SELENON: variants seen among roughly 807,000 people sequenced by gnomAD.
The protein encoded by SELENON is selenoprotein N, also known as selenoprotein N, 1.
A neutral mutation model predicts 59.5 loss-of-function variants in SELENON; 44 were observed. That is an observed-to-expected ratio of 0.74 (90% confidence interval 0.58 to 0.95). The LOEUF is 0.95. Ranked by LOEUF, SELENON falls within the 40% of genes least tolerant of loss-of-function variation. SELENON has a pLI of 0.00. For missense variants in SELENON, 674 were observed against 721.4 expected, an observed-to-expected ratio of 0.93 and a Z score of 0.75; for synonymous variants, 320 against 305.6, an observed-to-expected ratio of 1.05 and a Z score of -0.49.
intron 10 of SELENON, 125 bp downstream of exon 9, chr1:25,812,917 AGGGGCGT>A (rs1363491117): frequency 1.4e-6 from 1 of 722,116 alleles, no homozygotes; most frequent in African/African-American, 1.8e-5. Flanking sequence ...TGCCCATGGT[AGGGGCGT>A]GGGGTGAGGG....
At chr1:25,808,523 A>T in intron 4 of SELENON, 57 bp from the exon 4 acceptor site, 1 of 1,594,578 alleles carries the variant, frequency 6.3e-7, no homozygotes, top group South Asian at 1.1e-5. Flanking sequence ...CACATGGTAC[A>T]GGAGACCCCG....
chr1:25,803,767 G>A (rs190401096), intron 3 of SELENON, among the ~76,000 whole-genome samples: 2 of 149,660 alleles, frequency 1.3e-5, no homozygotes, highest in African/African-American at 2.5e-5. Context: ...TGGAGTGCTC[G>A]GCTCACTGCA....
In SELENON at chr1:25,816,337, C is replaced by G. The variant is rs1454973531; in HGVS notation, c.*619C>G. The G allele has an allele frequency of 6.5e-6, 1 of 152,864 alleles. No homozygotes were observed. The highest frequency in any genetic ancestry group is 2.4e-5 in the African/African-American group (1 of 41,470). The allele number at this position is 152,864 out of a possible 1,614,324, so 9.5% of individuals were successfully genotyped here. ...GGAAATCAGACGGGACCCCCTGCAG[C>G]TTCCCTGACCACGCCACTGACCAGC... is the stretch of plus-strand genomic sequence containing the variant. On this transcript the variant is annotated 3_prime_UTR_variant, in exon 13 of 13. Coordinates refer to ENST00000361547, the MANE Select transcript of SELENON (RefSeq NM_020451.3).
Position 25,814,120 on chromosome 1 carries a change from ACC to A in SELENON, c.1545_1546del (p.Leu516GlyfsTer?). ...TCCCACCAGAAGCTGGCTGGCCTGCACCTGGAGAAGTACAGCTTCCCCGTGGA... is the reference window on the plus strand; with the variant it reads ...TCCCACCAGAAGCTGGCTGGCCTGCATGGAGAAGTACAGCTTCCCCGTGGA... On this transcript the variant is annotated frameshift_variant, in exon 12 of 13. Coordinates refer to ENST00000361547, the MANE Select transcript of SELENON (RefSeq NM_020451.3). LOFTEE classifies it high-confidence loss of function. 1 of 1,614,198 alleles carries A rather than the reference ACC, an allele frequency of 6.2e-7. No homozygotes were observed. The highest frequency in any genetic ancestry group is 8.5e-7 in the Non-Finnish European group (1 of 1,180,024).
rs372468001 is a variant in SELENON at position 25,813,869 on chromosome 1, C to T, written c.1388-12C>T. 1 of 1,611,324 alleles carries T rather than the reference C, an allele frequency of 6.2e-7. No homozygotes were observed. The highest frequency in any genetic ancestry group is 1.3e-5 in the African/African-American group (1 of 74,878). On this transcript the variant is annotated splice_polypyrimidine_tract_variant and intron_variant, in intron 10 of 12. Transcript: ENST00000361547. ...ATGTGGGGGCGCCTCACCCTTCTGTCTTCCTGAACAGGTTCAGGGCGGACT... is the reference window on the plus strand; with the variant it reads ...ATGTGGGGGCGCCTCACCCTTCTGTTTTCCTGAACAGGTTCAGGGCGGACT...
intron 1 of SELENON, among the ~76,000 whole-genome samples, chr1:25,800,756 C>T (rs867955814): frequency 6.6e-6 from 1 of 151,776 alleles, no homozygotes; most frequent in Non-Finnish European, 1.5e-5. Context: ...CAGGAGAGGA[C>T]AGAAGGTGCA....
intron 2 of SELENON, among the ~76,000 whole-genome samples, chr1:25,801,713 C>T (rs1474404440): frequency 6.6e-6 from 1 of 152,064 alleles, no homozygotes; most frequent in Non-Finnish European, 1.5e-5. Context: ...TCCTTGGCCA[C>T]CTCCTCCGTG....
chr1:25,804,662 CA>C (rs1415033674), intron 3 of SELENON, among the ~76,000 whole-genome samples: 155 of 100,268 alleles, frequency 1.5e-3, no homozygotes, highest in East Asian at 8.3e-3. Context: ...CCCCCCGCCG[CA>C]AAAAAAAAAA....
intron 10 of SELENON, 62 bp from the exon 10 acceptor site, chr1:25,813,819 C>A: frequency 7.5e-7 from 1 of 1,338,970 alleles, no homozygotes; most frequent in Non-Finnish European, 1.1e-6. Context: ...GAGGTCTCCC[C>A]AAAGCAAGAT....
At chr1:25,808,860 C>T in intron 5 of SELENON, 71 bp downstream of exon 4, 4 of 1,591,502 alleles carry the variant, frequency 2.5e-6, no homozygotes, top group East Asian at 2.2e-5. Flanking sequence ...TCTGTCTGCG[C>T]CTGGACCCCA....
rs1445226778 is a variant in SELENON at position 25,809,138 on chromosome 1, C to T, written c.860C>T (p.Thr287Ile). 5.6e-6 allele frequency: 9 copies of T among 1,613,656 alleles called. No homozygotes were observed. The highest frequency in any genetic ancestry group is 7.6e-6 in the Non-Finnish European group (9 of 1,180,026). Reference sequence around the variant, plus strand: ...ACTGCCATCAGCGACTTCTACTACACTGTGATGTTCCGGTGAGTGGGCCAC... The same window carrying T: ...ACTGCCATCAGCGACTTCTACTACATTGTGATGTTCCGGTGAGTGGGCCAC... The change falls in exon 6 of 13, where the codon ACT (threonine) becomes ATT (isoleucine). Residue 287 changes from threonine (T) to isoleucine (I), a missense_variant. Transcript: ENST00000361547.
intron 4 of SELENON, among the ~76,000 whole-genome samples, chr1:25,806,973 C>T (rs1442088025): frequency 6.6e-6 from 1 of 152,132 alleles, no homozygotes; most frequent in Admixed American, 6.5e-5. Flanking sequence ...AGGTGCCCAC[C>T]ACCACACCCG....
intron 11 of SELENON, 39 bp from the exon 11 acceptor site, chr1:25,814,037 TG>T (rs1344291857): frequency 6.2e-7 from 1 of 1,611,232 alleles, no homozygotes. Flanking sequence ...GGAACAGTGG[TG>T]GGGGCCGCGG....
At chr1:25,802,645 T>C (rs2047870095) in intron 3 of SELENON, among the ~76,000 whole-genome samples, 1 of 152,238 alleles carries the variant, frequency 6.6e-6, no homozygotes, top group South Asian at 2.1e-4. Flanking sequence ...CGTGAGCCAC[T>C]GTGCCCGGCC....
intron 7 of SELENON, 132 bp from the exon 7 acceptor site, chr1:25,811,322 G>A (rs1440138632): frequency 8.2e-6 from 7 of 848,734 alleles, no homozygotes; most frequent in Middle Eastern, 2.2e-4. Context: ...GGCTCTGAGA[G>A]CAGGTGTTCA....
Position 25,800,240 on chromosome 1 carries a change from G to T in SELENON, c.10G>T (p.Ala4Ser), listed in dbSNP as rs1371866855. ...GCCGCCAGCCGCAGCCATGGGCCGG[G>T]CCCGGCCGGGCCAACGCGGGCCGCC... Residue 4 changes from alanine (A) to serine (S), a missense_variant, in exon 1 of 13, where the codon GCC becomes TCC. Coordinates refer to ENST00000361547, the MANE Select transcript of SELENON (RefSeq NM_020451.3). 2.4e-6 allele frequency: 2 copies of T among 846,296 alleles called. No individual in the cohort carries two copies. The highest frequency in any genetic ancestry group is 1.9e-5 in the African/African-American group (1 of 53,706). 52.4% of individuals were successfully genotyped at this position (846,296 alleles called of 1,614,324 possible).
Position 25,808,591 on chromosome 1 carries a change from CGCCCTGTCCG to C in SELENON, c.553_562del (p.Leu185SerfsTer?). 6.2e-7 allele frequency: 1 copy of C among 1,613,702 alleles called. No homozygotes were observed. Among genetic ancestry groups the C allele is most frequent in the Non-Finnish European group, 8.5e-7 (1 of 1,179,898 alleles). On this transcript the variant is annotated frameshift_variant, in exon 5 of 13. Coordinates refer to ENST00000361547, the MANE Select transcript of SELENON (RefSeq NM_020451.3). LOFTEE classifies it high-confidence loss of function. ...TTCCCCCGCCCCAGGTCTCCCGCCTCGCCCTGTCCGGCCTCCGAAACTGGACAGCCGCCGC... is the reference window on the plus strand; with the variant it reads ...TTCCCCCGCCCCAGGTCTCCCGCCTCGCCTCCGAAACTGGACAGCCGCCGC...
chr1:25,808,971 G>A (rs1309678798), intron 5 of SELENON, 55 bp from the exon 5 acceptor site: 10 of 1,612,380 alleles, frequency 6.2e-6, no homozygotes, highest in Admixed American at 3.3e-5. Context: ...CCACCCCAGC[G>A]GATCCAGGCC....
chr1:25,808,751 A>T lies in SELENON; in HGVS notation c.709A>T (p.Asn237Tyr). The T allele has an allele frequency of 6.2e-7, 1 of 1,613,928 alleles. No homozygotes were observed. Among genetic ancestry groups the T allele is most frequent in the Non-Finnish European group, 8.5e-7 (1 of 1,179,958 alleles). ...GAGCATGTTCACTGGCTACCTGTCC[A>T]ACAACCGCTTCTATCCACCGCCGCC... The change falls in exon 5 of 13, where the codon AAC becomes TAC. Residue 237 changes from asparagine (N) to tyrosine (Y), a missense_variant. Asn to Tyr is a moderately radical substitution (Grantham distance 143). Coordinates refer to ENST00000361547, the MANE Select transcript of SELENON (RefSeq NM_020451.3).
Sources: gnomAD v4.1 joint callset for allele counts (sites outside exome capture counted in the v4.1 genomes callset) on GRCh38, gnomAD v4.1.1 for gene constraint, MANE v1.5 for transcripts, NCBI Gene and HGNC (gene_info 2026-07-23, HGNC 2026-07-21) for gene names.